The following KMT2C variants were observed in gnomAD, a reference collection of about 807,000 sequenced individuals.
KMT2C encodes the protein histone-lysine N-methyltransferase 2C.
KMT2C carries 88 observed loss-of-function variants against 507.9 expected under a neutral mutation model. That is an observed-to-expected ratio of 0.17 (90% CI 0.15 to 0.21). The LOEUF is 0.21. KMT2C is among the 10% of genes least tolerant of loss of function. The pLI is 1.00. For synonymous variants in KMT2C, 2,049 were observed against 2,080.8 expected, an observed-to-expected ratio of 0.98 and a Z score of 0.42; for missense variants, 4,954 against 5,957.8, an observed-to-expected ratio of 0.83 and a Z score of 5.55.
intron 2 of KMT2C, among the ~76,000 whole-genome samples, chr7:152,340,514 A>G (rs2096981457): frequency 6.6e-6 from 1 of 152,216 alleles, no homozygotes; most frequent in South Asian, 2.1e-4. Flanking sequence ...ATTGTACTGT[A>G]AAGCTAAAAC....
intron 23 of KMT2C, among the ~76,000 whole-genome samples, chr7:152,211,072 T>C (rs529839031): frequency 2.1e-4 from 32 of 152,136 alleles, no homozygotes; most frequent in Non-Finnish European, 3.7e-4. Flanking sequence ...AAATCAAAAA[T>C]AGACAAAAAC....
chr7:152,310,242 C>A (rs1310784724), intron 5 of KMT2C, among the ~76,000 whole-genome samples, 167 bp from the exon 6 acceptor site: 1 of 152,218 alleles, frequency 6.6e-6, no homozygotes, highest in African/African-American at 2.4e-5. Context: ...GGACCAACCA[C>A]TGAGTGCCAG....
intron 6 of KMT2C, among the ~76,000 whole-genome samples, chr7:152,291,322 T>A (rs1199492878): frequency 6.6e-6 from 1 of 152,288 alleles, no homozygotes; most frequent in East Asian, 1.9e-4. Flanking sequence ...GATTTGATGA[T>A]GAAGTCCACA....
chr7:152,148,753 G>C lies in KMT2C; in HGVS notation c.13174C>G (p.Pro4392Ala). ...FLKKLGTSLK[P>A]DPVPKDYRKC... ...CGATAGTCTTTGGGCACAGGATCAG[G>C]TTTAAGGGAAGTGCCCAATTTCTTT... The change falls in exon 52 of 59, where the codon CCT becomes GCT. Residue 4392 changes from proline to alanine, a missense_variant. By Grantham distance (27) the Pro-to-Ala change is conservative. Coordinates refer to ENST00000262189, the MANE Select transcript of KMT2C (RefSeq NM_170606.3). This position sits in a 1 kb window ranked among gnomAD's most constrained non-coding sequence, Gnocchi z 7.1. 6.2e-7 allele frequency: 1 copy of C among 1,614,224 alleles called. No homozygotes were observed. Among genetic ancestry groups the C allele is most frequent in the African/African-American group, 1.3e-5 (1 of 75,068 alleles).
chr7:152,275,152 A>T (rs1314807112), intron 6 of KMT2C, among the ~76,000 whole-genome samples: 2 of 152,344 alleles, frequency 1.3e-5, no homozygotes, highest in Middle Eastern at 3.4e-3. Flanking sequence ...ATCACATACT[A>T]TCAAACTCTT....
intron 14 of KMT2C, among the ~76,000 whole-genome samples, chr7:152,246,830 T>A (rs1327395286): frequency 6.6e-6 from 1 of 152,158 alleles, no homozygotes; most frequent in Non-Finnish European, 1.5e-5. Flanking sequence ...ACACGTCTTT[T>A]GCCATGCAGA....
intron 1 of KMT2C, among the ~76,000 whole-genome samples, chr7:152,387,652 T>C (rs936268972): frequency 6.6e-5 from 10 of 152,318 alleles, no homozygotes; most frequent in African/African-American, 2.2e-4. Context: ...TTGTATTTTT[T>C]AGTAGAGACC....
chr7:152,199,287 C>A lies in KMT2C; in HGVS notation c.4265G>T (p.Gly1422Val), dbSNP rs2129132939. 6.3e-7 allele frequency: 1 copy of A among 1,593,732 alleles called. No homozygotes were observed. The highest frequency in any genetic ancestry group is 8.5e-7 in the Non-Finnish European group (1 of 1,172,900). The change falls in exon 27 of 59, where the codon GGA becomes GTA. Residue 1422 changes from glycine to valine, a missense_variant. By Grantham distance (109) the Gly-to-Val change is moderately radical. This residue lies in a region of KMT2C where 140 missense variants were observed against 118.4 expected (regional missense o/e 1.18). Transcript: ENST00000262189. ...TGAATAATTCTACATACCGTGAGTT[C>A]CAGATTTTGTTGGAGCCGAGGATGA... The part of the protein sequence containing the change: ...LSSSSAPTKS[G>V]THGPADDPLA...
chr7:152,329,698 G>A (rs140472643), intron 3 of KMT2C, among the ~76,000 whole-genome samples: 3 of 150,954 alleles, frequency 2.0e-5, no homozygotes, highest in African/African-American at 4.9e-5. Flanking sequence ...GAAGGAGGGC[G>A]GGAAGGAAGG....
At chr7:152,359,135 T>C (rs1452171206) in intron 1 of KMT2C, among the ~76,000 whole-genome samples, 4 of 152,112 alleles carry the variant, frequency 2.6e-5, no homozygotes, top group African/African-American at 7.2e-5. Flanking sequence ...GTGACTGTGA[T>C]GCAGATGACT....
intron 26 of KMT2C, among the ~76,000 whole-genome samples, chr7:152,201,213 G>T (rs2094126372): frequency 6.6e-6 from 1 of 151,518 alleles, no homozygotes. Context: ...CATAAAGAGG[G>T]GGCTCCATCC....
chr7:152,423,104 G>T (rs1223966192), intron 1 of KMT2C, among the ~76,000 whole-genome samples: 1 of 151,942 alleles, frequency 6.6e-6, no homozygotes, highest in Non-Finnish European at 1.5e-5. Flanking sequence ...ACTTTGGGAG[G>T]CCAAAGCAGG....
intron 1 of KMT2C, among the ~76,000 whole-genome samples, chr7:152,377,296 C>G (rs1344202778): frequency 1.3e-5 from 2 of 152,290 alleles, no homozygotes; most frequent in East Asian, 3.8e-4. Flanking sequence ...TATTAGCACT[C>G]ACTAACAATG....
chr7:152,354,205 T>C (rs1008303157), intron 2 of KMT2C, among the ~76,000 whole-genome samples: 2 of 152,142 alleles, frequency 1.3e-5, no homozygotes, highest in African/African-American at 2.4e-5. Flanking sequence ...TGACCTCTCA[T>C]AGGAGACAGC....
chr7:152,225,577 A>C (rs2094902411), intron 18 of KMT2C, among the ~76,000 whole-genome samples: 3 of 152,234 alleles, frequency 2.0e-5, no homozygotes, highest in Admixed American at 6.5e-5. Context: ...CAGCTCCCTC[A>C]TTCTCCTTTC....
At chr7:152,170,079 A>G (rs994659171) in intron 40 of KMT2C, among the ~76,000 whole-genome samples, 1 of 152,238 alleles carries the variant, frequency 6.6e-6, no homozygotes, top group Non-Finnish European at 1.5e-5. Context: ...TATTATGTGC[A>G]ATCTTCACAA....
At chr7:152,218,758 G>A (rs1475695896) in intron 23 of KMT2C, among the ~76,000 whole-genome samples, 1 of 151,898 alleles carries the variant, frequency 6.6e-6, no homozygotes, top group Non-Finnish European at 1.5e-5. Context: ...CCTTCTGACT[G>A]TCCCCTCTGC....
chr7:152,423,837 G>C (rs1259675170), intron 1 of KMT2C, among the ~76,000 whole-genome samples: 1 of 152,054 alleles, frequency 6.6e-6, no homozygotes, highest in Non-Finnish European at 1.5e-5. Flanking sequence ...AAAGATCTCT[G>C]TACAAGTCAA....
Position 152,250,835 on chromosome 7 carries a change from TC to T in KMT2C, c.1735+17del. The T allele has an allele frequency of 8.0e-7, 1 of 1,257,650 alleles. No homozygotes were observed. Among genetic ancestry groups the T allele is most frequent in the African/African-American group, 1.5e-5 (1 of 67,796 alleles). The allele number at this position is 1,257,650 out of a possible 1,614,324, so 77.9% of individuals were successfully genotyped here. ...ACATTTTCTTCAAAAACAGAGTATATCCATTAAACATTCTTACCATCTGGAA... is the reference window on the plus strand; with the variant it reads ...ACATTTTCTTCAAAAACAGAGTATATCATTAAACATTCTTACCATCTGGAA... On this transcript the variant is annotated intron_variant, in intron 12 of 58. Coordinates refer to ENST00000262189, the MANE Select transcript of KMT2C (RefSeq NM_170606.3).
Sources: gnomAD v4.1 joint callset for allele counts (sites outside exome capture counted in the v4.1 genomes callset) on GRCh38, gnomAD v4.1.1 for gene constraint, gnomAD v4.1.1 regional missense constraint, Gnocchi (gnomAD v3.1) non-coding constraint, MANE v1.5 for transcripts, NCBI Gene and HGNC (gene_info 2026-07-23, HGNC 2026-07-21) for gene names.